CSMD2: variants seen among roughly 807,000 people sequenced by gnomAD.
The protein encoded by CSMD2 is CUB and sushi domain-containing protein 2.
A neutral mutation model predicts 398.5 loss-of-function variants in CSMD2; 130 were observed. The observed-to-expected ratio is 0.33, with a 90% confidence interval of 0.28 to 0.38. The LOEUF is 0.38. Among genes scored for constraint, CSMD2 ranks in the 10% least tolerant of loss-of-function variants. The pLI is 1.00. For synonymous variants in CSMD2, 1,828 were observed against 1,908.5 expected (o/e 0.96, Z 1.10); for missense variants, 3,829 against 4,764.9 (o/e 0.80, Z 5.78).
intron 1 of CSMD2, among the ~76,000 whole-genome samples, chr1:34,112,429 T>C (rs1439991860): frequency 6.6e-6 from 1 of 152,224 alleles, no homozygotes; most frequent in African/African-American, 2.4e-5. Flanking sequence ...CAGACAGCTC[T>C]ATCTATAGGC....
At chr1:33,645,084 AGT>A (rs1463122996) in intron 29 of CSMD2, among the ~76,000 whole-genome samples, 4 of 152,122 alleles carry the variant, frequency 2.6e-5, no homozygotes, top group African/African-American at 9.7e-5. Flanking sequence ...TGTTCTAATT[AGT>A]GTTATGTGTG....
At chr1:34,027,443 T>C (rs918914313) in intron 3 of CSMD2, among the ~76,000 whole-genome samples, 1 of 152,196 alleles carries the variant, frequency 6.6e-6, no homozygotes, top group Non-Finnish European at 1.5e-5. Context: ...CGTATAACCT[T>C]TCTGAAGACA....
intron 3 of CSMD2, among the ~76,000 whole-genome samples, chr1:33,940,287 C>T (rs772377426): frequency 6.6e-5 from 10 of 152,086 alleles, no homozygotes; most frequent in Non-Finnish European, 1.5e-4. Flanking sequence ...ATGACCTCAT[C>T]CTAACTTAAT....
At chr1:33,878,331 GGGGACAGACA>G (rs1383504099) in intron 5 of CSMD2, 4 of 152,214 alleles carry the variant, frequency 2.6e-5, no homozygotes, top group African/African-American at 9.7e-5. Flanking sequence ...CCCCTCTGAC[GGGGACAGACA>G]GCATCACAGG....
At chr1:33,544,397 G>GT (rs1197818459) in intron 57 of CSMD2, among the ~76,000 whole-genome samples, 1 of 151,834 alleles carries the variant, frequency 6.6e-6, no homozygotes, top group East Asian at 1.9e-4. Flanking sequence ...GATTACAGGC[G>GT]TGAGCCACCG....
chr1:33,562,877 T>C (rs1658702759), intron 53 of CSMD2, among the ~76,000 whole-genome samples: 1 of 152,224 alleles, frequency 6.6e-6, no homozygotes, highest in Admixed American at 6.5e-5. Flanking sequence ...TTCCTGGGTC[T>C]CTACCCTGCC....
intron 3 of CSMD2, among the ~76,000 whole-genome samples, chr1:33,970,475 C>T (rs530980076): frequency 2.6e-5 from 4 of 152,322 alleles, no homozygotes; most frequent in Non-Finnish European, 5.9e-5. Flanking sequence ...CAATGGCACC[C>T]AAGCCTGAGC....
intron 3 of CSMD2, among the ~76,000 whole-genome samples, chr1:33,952,694 ACACACACATG>A (rs931591653): frequency 1.7e-4 from 23 of 137,358 alleles, no homozygotes; most frequent in African/African-American, 8.4e-4. Flanking sequence ...ACACACACAC[ACACACACATG>A]CACACACACA....
chr1:33,724,890 G>A (rs1253558373), intron 17 of CSMD2, among the ~76,000 whole-genome samples, 186 bp from the exon 18 acceptor site: 1 of 152,230 alleles, frequency 6.6e-6, no homozygotes, highest in African/African-American at 2.4e-5. Flanking sequence ...AGGCTTAGGA[G>A]TAAGAAAATG....
chr1:33,610,187 C>T (rs1361637548), intron 41 of CSMD2, among the ~76,000 whole-genome samples: 1 of 150,722 alleles, frequency 6.6e-6, no homozygotes, highest in Non-Finnish European at 1.5e-5. Context: ...GCAGCCTGAG[C>T]TAACACAATG....
intron 2 of CSMD2, among the ~76,000 whole-genome samples, chr1:34,071,106 G>C (rs1037981723): frequency 2.0e-5 from 3 of 152,174 alleles, no homozygotes; most frequent in African/African-American, 7.2e-5. Flanking sequence ...CTTATGGAAG[G>C]ACAAAGGTGG....
intron 3 of CSMD2, among the ~76,000 whole-genome samples, chr1:34,004,087 C>G (rs796297150): frequency 6.6e-6 from 1 of 152,202 alleles, no homozygotes; most frequent in Non-Finnish European, 1.5e-5. Flanking sequence ...AACCTGAGTA[C>G]AGCCAAAAAC....
intron 48 of CSMD2, among the ~76,000 whole-genome samples, chr1:33,578,659 A>AG (rs1255099047): frequency 6.6e-6 from 1 of 152,136 alleles, no homozygotes; most frequent in Middle Eastern, 3.2e-3. Flanking sequence ...AGGGATCCTC[A>AG]GGGGGAGTTC....
intron 3 of CSMD2, among the ~76,000 whole-genome samples, chr1:33,981,194 C>T (rs559849201): frequency 6.6e-6 from 1 of 152,278 alleles, no homozygotes; most frequent in Non-Finnish European, 1.5e-5. Flanking sequence ...GTTTTGCAGT[C>T]CTTACTCCCG....
In CSMD2 at chr1:33,866,267, C is replaced by G. The variant is rs774003488; in HGVS notation, c.921-19271G>C. Among the ~76,000 whole-genome samples the G allele has an allele frequency of 4.6e-5, 7 of 152,162 alleles. No individual in the cohort carries two copies. The East Asian group carries it at 1.2e-3, about 25-fold the overall frequency. On this transcript the variant is annotated intron_variant, in intron 5 of 70. Coordinates refer to ENST00000373381, the MANE Select transcript of CSMD2 (RefSeq NM_001281956.2). ...TTGCTGGGTACAGGGAGGCACATTA[C>G]GCACTACTGCTAAGTTCCCGCCCTA...
chr1:33,615,835 A>G (rs750029864), intron 39 of CSMD2, among the ~76,000 whole-genome samples: 82 of 152,338 alleles, frequency 5.4e-4, no homozygotes, highest in Non-Finnish European at 1.0e-3. Context: ...GAGAAATGCC[A>G]TCGTGCTTGA....
At chr1:33,608,606 A>G (rs1640787588) in intron 41 of CSMD2, among the ~76,000 whole-genome samples, 1 of 152,214 alleles carries the variant, frequency 6.6e-6, no homozygotes, top group Non-Finnish European at 1.5e-5. Context: ...CTGATCCAAT[A>G]TGACTGGTGT....
At chr1:33,938,016 A>T (rs1265112824) in intron 3 of CSMD2, among the ~76,000 whole-genome samples, 1 of 152,180 alleles carries the variant, frequency 6.6e-6, no homozygotes, top group Non-Finnish European at 1.5e-5. Context: ...TTGGAGAGTT[A>T]CTCATTCATG....
chr1:33,945,810 G>T (rs560716959), intron 3 of CSMD2, among the ~76,000 whole-genome samples: 3 of 152,116 alleles, frequency 2.0e-5, no homozygotes, highest in Non-Finnish European at 2.9e-5. Context: ...TGCTCAGCCC[G>T]ATCTGCCCCG....
Sources: gnomAD v4.1 joint callset for allele counts (sites outside exome capture counted in the v4.1 genomes callset) on GRCh38, gnomAD v4.1.1 for gene constraint, MANE v1.5 for transcripts, NCBI Gene and HGNC (gene_info 2026-07-23, HGNC 2026-07-21) for gene names.